MAF: variants seen among roughly 807,000 people sequenced by gnomAD.
MAF encodes the protein transcription factor Maf.
Under a neutral mutation model 22.0 loss-of-function variants are expected in MAF, and 10 were observed. That is an observed-to-expected ratio of 0.45 (90% CI 0.28 to 0.77). The LOEUF (loss-of-function observed/expected upper bound fraction) is 0.77. Among genes scored for constraint, MAF ranks in the 30% least tolerant of loss-of-function variants. The pLI is 0.12. For missense variants in MAF, 544 were observed against 548.4 expected (o/e 0.99, Z 0.08); for synonymous variants, 337 against 255.8 (o/e 1.32, Z -3.03).
the MAF span, among the ~76,000 whole-genome samples, chr16:79,250,827 A>C: frequency 6.6e-6 from 1 of 152,174 alleles, no homozygotes; most frequent in African/African-American, 2.4e-5. Flanking sequence ...GGGATCAACC[A>C]TCCCAGTTTG....
chr16:79,306,072 G>C, the MAF span, among the ~76,000 whole-genome samples: 1 of 152,188 alleles, frequency 6.6e-6, no homozygotes, highest in Non-Finnish European at 1.5e-5. Context: ...GTGACCACTA[G>C]CTTCCAAAGG....
the MAF span, among the ~76,000 whole-genome samples, chr16:79,430,045 G>T: frequency 6.6e-6 from 1 of 152,086 alleles, no homozygotes; most frequent in Non-Finnish European, 1.5e-5. Context: ...CCTTGCTCTG[G>T]TTCCAGGCCA....
At chr16:79,562,307 G>C in the MAF span, among the ~76,000 whole-genome samples, 5 of 152,164 alleles carry the variant, frequency 3.3e-5, no homozygotes, top group African/African-American at 4.8e-5. Flanking sequence ...GACAAGGTTT[G>C]TTTTGTTCCC....
the MAF span, among the ~76,000 whole-genome samples, chr16:79,406,005 C>T: frequency 6.6e-6 from 1 of 152,212 alleles, no homozygotes; most frequent in East Asian, 1.9e-4. Flanking sequence ...AGGCCAGAAG[C>T]CACAGAGTAG....
At chr16:79,256,481 G>A in the MAF span, among the ~76,000 whole-genome samples, 3 of 152,136 alleles carry the variant, frequency 2.0e-5, no homozygotes, top group Admixed American at 2.0e-4. Context: ...CTTGATCCAT[G>A]ATTCAGTGTT....
chr16:79,595,800 A>G (rs1913484672), intron 1 of MAF: 1 of 1,057,452 alleles, frequency 9.5e-7, no homozygotes, highest in Admixed American at 5.4e-5. Flanking sequence ...GAAGTTCTCC[A>G]CTGAATATTC....
the MAF span, among the ~76,000 whole-genome samples, chr16:79,547,908 G>GAGAGAGAGAGAC: frequency 9.7e-6 from 1 of 102,802 alleles, no homozygotes; most frequent in Non-Finnish European, 2.3e-5. Context: ...GTGTGAGAGA[G>GAGAGAGAGAGAC]AGAGAGAGAG....
At chr16:79,215,634 C>T in the MAF span, among the ~76,000 whole-genome samples, 7 of 151,782 alleles carry the variant, frequency 4.6e-5, no homozygotes, top group South Asian at 8.3e-4. Flanking sequence ...CATGAGGCCT[C>T]GGGGAACTTT....
the MAF span, among the ~76,000 whole-genome samples, chr16:79,485,003 A>G: frequency 1.3e-5 from 2 of 152,198 alleles, no homozygotes; most frequent in Admixed American, 1.3e-4. Flanking sequence ...TCCTGCCTCA[A>G]TTTATTATCT....
At chr16:79,528,013 C>T in the MAF span, among the ~76,000 whole-genome samples, 4 of 152,150 alleles carry the variant, frequency 2.6e-5, no homozygotes, top group African/African-American at 2.4e-5. Context: ...CGTGTTGGTG[C>T]GCACCTGTAA....
chr16:79,230,609 G>A, the MAF span, among the ~76,000 whole-genome samples: 1 of 152,134 alleles, frequency 6.6e-6, no homozygotes, highest in African/African-American at 2.4e-5. Context: ...CTCCATGTCT[G>A]CAAAGTTGAC....
chr16:79,243,947 C>T, the MAF span, among the ~76,000 whole-genome samples: 1 of 151,910 alleles, frequency 6.6e-6, no homozygotes, highest in Non-Finnish European at 1.5e-5. Flanking sequence ...GTTACATAAA[C>T]AAAACCAATG....
chr16:79,441,107 G>C, the MAF span, among the ~76,000 whole-genome samples: 2 of 152,230 alleles, frequency 1.3e-5, no homozygotes, highest in Non-Finnish European at 1.5e-5. Context: ...CCCAGCCATA[G>C]ATTACTAGTA....
the MAF span, among the ~76,000 whole-genome samples, chr16:79,513,977 A>T: frequency 2.6e-5 from 4 of 152,084 alleles, no homozygotes; most frequent in African/African-American, 9.7e-5. Context: ...TAAAAAGAAC[A>T]CCTTCCCCCC....
At chr16:79,310,108 C>T in the MAF span, among the ~76,000 whole-genome samples, 29 of 152,298 alleles carry the variant, frequency 1.9e-4, 1 homozygote, top group South Asian at 4.6e-3. Flanking sequence ...CATTTCCCCC[C>T]CGATTTCCTT....
At chr16:79,346,877 T>C in the MAF span, among the ~76,000 whole-genome samples, 1 of 152,234 alleles carries the variant, frequency 6.6e-6, no homozygotes, top group Non-Finnish European at 1.5e-5. Flanking sequence ...GATGATGCTG[T>C]TAGCATTTGA....
the MAF span, among the ~76,000 whole-genome samples, chr16:79,287,529 G>C: frequency 6.6e-6 from 1 of 152,198 alleles, no homozygotes; most frequent in African/African-American, 2.4e-5. Context: ...CAAACCCTGA[G>C]TCCTGCCATG....
the MAF span, among the ~76,000 whole-genome samples, chr16:79,281,688 A>G: frequency 1.3e-5 from 2 of 151,700 alleles, no homozygotes; most frequent in Non-Finnish European, 2.9e-5. Flanking sequence ...AGCTGGGACT[A>G]CAGGTGCACC....
chr16:79,540,714 C>T, the MAF span, among the ~76,000 whole-genome samples: 1 of 152,246 alleles, frequency 6.6e-6, no homozygotes, highest in African/African-American at 2.4e-5. Flanking sequence ...TCGAATTTTG[C>T]GTGGCACAGG....
Sources: gnomAD v4.1 joint callset for allele counts (sites outside exome capture counted in the v4.1 genomes callset) on GRCh38, gnomAD v4.1.1 for gene constraint, MANE v1.5 for transcripts, NCBI Gene and HGNC (gene_info 2026-07-23, HGNC 2026-07-21) for gene names.